The following PRKCA variants were observed in gnomAD, a reference collection of about 807,000 sequenced individuals.
PRKCA encodes the protein protein kinase C alpha type.
In PRKCA, 27 loss-of-function variants were observed where a neutral mutation model predicts 87.0. That is an observed-to-expected ratio of 0.31 (90% confidence interval 0.23 to 0.43). PRKCA has a LOEUF of 0.43. Ranked by LOEUF, PRKCA falls within the 20% of genes least tolerant of loss-of-function variation. The pLI, the probability that PRKCA is intolerant of heterozygous loss-of-function variation, is 1.00. For synonymous variants in PRKCA, 329 were observed against 311.1 expected, an observed-to-expected ratio of 1.06 and a Z score of -0.61; for missense variants, 518 against 852.3, an observed-to-expected ratio of 0.61 and a Z score of 4.88.
chr17:66,630,206 T>G (rs914245843), intron 3 of PRKCA, among the ~76,000 whole-genome samples: 1 of 152,012 alleles, frequency 6.6e-6, no homozygotes, highest in African/African-American at 2.4e-5. Flanking sequence ...GGAATCAGTA[T>G]GACAATAGGA....
At chr17:66,470,583 C>T (rs374214373) in intron 2 of PRKCA, among the ~76,000 whole-genome samples, 12 of 152,090 alleles carry the variant, frequency 7.9e-5, no homozygotes, top group South Asian at 2.1e-4. Context: ...CTACCTGGCC[C>T]GGCCTGGCTT....
intron 11 of PRKCA, among the ~76,000 whole-genome samples, chr17:66,739,082 A>G (rs1974101347): frequency 6.6e-6 from 1 of 152,050 alleles, no homozygotes; most frequent in South Asian, 2.1e-4. Flanking sequence ...GGGTTTCACC[A>G]TCTTGCCCAG....
intron 2 of PRKCA, among the ~76,000 whole-genome samples, chr17:66,399,995 T>C (rs574213993): frequency 6.6e-6 from 1 of 152,358 alleles, no homozygotes; most frequent in East Asian, 1.9e-4. Context: ...ATCATGTTGG[T>C]ACTTAAAAAG....
At chr17:66,753,793 GT>G (rs1202145504) in intron 13 of PRKCA, among the ~76,000 whole-genome samples, 1 of 152,126 alleles carries the variant, frequency 6.6e-6, no homozygotes, top group African/African-American at 2.4e-5. Flanking sequence ...TAAAAGCCAC[GT>G]CAGGACACAG....
intron 5 of PRKCA, among the ~76,000 whole-genome samples, chr17:66,680,564 C>T (rs1187935096): frequency 6.6e-6 from 1 of 152,178 alleles, no homozygotes; most frequent in Non-Finnish European, 1.5e-5. Context: ...GACTTTTATG[C>T]ATTACTAAAC....
At chr17:66,550,656 A>G (rs752883127) in intron 3 of PRKCA, among the ~76,000 whole-genome samples, 6 of 152,054 alleles carry the variant, frequency 3.9e-5, no homozygotes, top group Admixed American at 3.3e-4. Flanking sequence ...CTCAAAATCA[A>G]TCAATCAATC....
At position 66,687,282 on chromosome 17, in the gene PRKCA, C is replaced by A. The variant is rs1334948705; in HGVS notation, c.686+15C>A. 1 of 1,609,940 alleles carries A rather than the reference C, an allele frequency of 6.2e-7. No individual in the cohort carries two copies. Among genetic ancestry groups the A allele is most frequent in the African/African-American group, 1.3e-5 (1 of 74,686 alleles). ...TCCTTTACATTGTAAGTGGTCTCTCCTTGATCAAATTTCATTCCTATACAC... is the reference window on the plus strand; with the variant it reads ...TCCTTTACATTGTAAGTGGTCTCTCATTGATCAAATTTCATTCCTATACAC... On this transcript the variant is annotated intron_variant, in intron 6 of 16. Coordinates refer to ENST00000413366, the MANE Select transcript of PRKCA (RefSeq NM_002737.3).
At chr17:66,679,942 T>A (rs1238390659) in intron 5 of PRKCA, among the ~76,000 whole-genome samples, 2 of 152,234 alleles carry the variant, frequency 1.3e-5, no homozygotes, top group African/African-American at 4.8e-5. Flanking sequence ...TCTTTTTACA[T>A]GAAATTAATT....
intron 3 of PRKCA, among the ~76,000 whole-genome samples, chr17:66,565,231 C>T (rs1245226404): frequency 6.6e-6 from 1 of 152,202 alleles, no homozygotes. Context: ...GTGATTCCCA[C>T]TCAGCCCGCA....
At chr17:66,604,918 G>A (rs187215171) in intron 3 of PRKCA, among the ~76,000 whole-genome samples, 90 of 152,150 alleles carry the variant, frequency 5.9e-4, no homozygotes, top group African/African-American at 2.1e-3. Context: ...GCAGAAACAT[G>A]GAGATTGTTA....
chr17:66,423,445 A>G (rs1047383729), intron 2 of PRKCA, among the ~76,000 whole-genome samples: 4 of 152,216 alleles, frequency 2.6e-5, no homozygotes, highest in African/African-American at 9.6e-5. Flanking sequence ...TTTATCTATA[A>G]ACAAGGGATT....
chr17:66,346,118 G>A (rs112140077), intron 2 of PRKCA, among the ~76,000 whole-genome samples: 7,349 of 149,210 alleles, frequency 0.049, 400 homozygotes, highest in East Asian at 0.19. Context: ...TTTTGAGATG[G>A]AGTTTCACTC....
chr17:66,739,729 C>T (rs1261075624), intron 11 of PRKCA, among the ~76,000 whole-genome samples: 1 of 149,874 alleles, frequency 6.7e-6, no homozygotes, highest in Non-Finnish European at 1.5e-5. Context: ...TGCAGCTCAG[C>T]AGGTGTGGGA....
chr17:66,497,669 AT>A (rs1199255687), intron 3 of PRKCA, among the ~76,000 whole-genome samples: 3 of 152,180 alleles, frequency 2.0e-5, no homozygotes, highest in Admixed American at 6.5e-5. Flanking sequence ...CTTTTGCTTG[AT>A]CAGTTTAGTC....
intron 2 of PRKCA, among the ~76,000 whole-genome samples, chr17:66,362,762 T>C (rs1373667108): frequency 6.6e-6 from 1 of 152,096 alleles, no homozygotes; most frequent in East Asian, 1.9e-4. Context: ...TCGTGCGATC[T>C]TGGCTCACTG....
intron 2 of PRKCA, among the ~76,000 whole-genome samples, chr17:66,396,592 A>G (rs1910679519): frequency 6.8e-6 from 1 of 146,786 alleles, no homozygotes; most frequent in African/African-American, 2.5e-5. Context: ...TGGCTGTGTA[A>G]TATTTTTCCT....
chr17:66,587,711 ATATGTGTG>A (rs1404861180), intron 3 of PRKCA, among the ~76,000 whole-genome samples: 1 of 107,786 alleles, frequency 9.3e-6, no homozygotes, highest in Non-Finnish European at 1.9e-5. Context: ...ATATATACGT[ATATGTGTG>A]TATATGTATA....
chr17:66,733,429 C>T (rs1333829389), intron 9 of PRKCA, among the ~76,000 whole-genome samples: 1 of 152,146 alleles, frequency 6.6e-6, no homozygotes, highest in East Asian at 1.9e-4. Flanking sequence ...CTAGCACAGG[C>T]ACAATGGATG....
intron 5 of PRKCA, among the ~76,000 whole-genome samples, chr17:66,661,396 A>G (rs1971901391): frequency 6.6e-6 from 1 of 152,240 alleles, no homozygotes; most frequent in African/African-American, 2.4e-5. Context: ...AACGTGAGCC[A>G]GGGTTGTGCA....
Sources: allele counts gnomAD v4.1 joint callset (sites outside exome capture counted in the v4.1 genomes callset), GRCh38; gene constraint gnomAD v4.1.1; transcripts MANE v1.5; gene names NCBI Gene and HGNC (gene_info 2026-07-23, HGNC 2026-07-21).